Variants in BMPER observed in about 807,000 individuals in gnomAD.
The protein encoded by BMPER is BMP-binding endothelial regulator protein.
Under a neutral mutation model 87.3 loss-of-function variants are expected in BMPER, and 45 were observed. The observed-to-expected ratio is 0.52, with a 90% CI of 0.41 to 0.66. The LOEUF (loss-of-function observed/expected upper bound fraction) is 0.66. BMPER is among the 30% of genes least tolerant of loss of function. BMPER has a pLI of 0.00. For synonymous variants in BMPER, 326 were observed against 316.2 expected, an observed-to-expected ratio of 1.03 and a Z score of -0.33; for missense variants, 784 against 867.5, an observed-to-expected ratio of 0.90 and a Z score of 1.21.
chr7:33,959,094 A>G (rs1785211958), intron 3 of BMPER, among the ~76,000 whole-genome samples: 1 of 152,182 alleles, frequency 6.6e-6, no homozygotes, highest in African/African-American at 2.4e-5. Flanking sequence ...AGCCCTGTGG[A>G]ACTGTGAGTC....
chr7:34,122,557 C>T (rs1790289555), intron 13 of BMPER, among the ~76,000 whole-genome samples: 1 of 152,170 alleles, frequency 6.6e-6, no homozygotes, highest in Non-Finnish European at 1.5e-5. Context: ...TGCACACAGA[C>T]ACCAGTCCTG....
At chr7:33,918,203 C>G (rs1346584612) in intron 2 of BMPER, among the ~76,000 whole-genome samples, 1 of 152,166 alleles carries the variant, frequency 6.6e-6, no homozygotes, top group Non-Finnish European at 1.5e-5. Flanking sequence ...TGAGGTTCCT[C>G]TTTGAGGCAT....
At chr7:34,122,375 T>C (rs1345310876) in intron 13 of BMPER, among the ~76,000 whole-genome samples, 1 of 152,174 alleles carries the variant, frequency 6.6e-6, no homozygotes, top group East Asian at 1.9e-4. Context: ...ATTCAAATCA[T>C]CTGAGATCTT....
chr7:34,020,806 G>C (rs990129737), intron 6 of BMPER, among the ~76,000 whole-genome samples: 3 of 151,658 alleles, frequency 2.0e-5, no homozygotes, highest in Admixed American at 6.6e-5. Flanking sequence ...TTATCAGCCT[G>C]CTTTGCAGGC....
intron 3 of BMPER, among the ~76,000 whole-genome samples, chr7:33,945,483 C>T (rs1427936268): frequency 1.3e-5 from 2 of 150,230 alleles, no homozygotes; most frequent in East Asian, 2.0e-4. Flanking sequence ...AACTCCTGAT[C>T]TCAAGTGATC....
chr7:34,102,911 G>T (rs546760230), intron 13 of BMPER, among the ~76,000 whole-genome samples: 5 of 152,150 alleles, frequency 3.3e-5, no homozygotes, highest in African/African-American at 1.2e-4. Flanking sequence ...GTTTCGCATG[G>T]TATGGTCAGG....
intron 14 of BMPER, among the ~76,000 whole-genome samples, chr7:34,150,727 T>G (rs1296058478): frequency 2.6e-5 from 4 of 152,110 alleles, no homozygotes; most frequent in African/African-American, 9.7e-5. Flanking sequence ...CACTCACCCA[T>G]GTATCCATCC....
chr7:33,968,750 G>C (rs573396931), intron 4 of BMPER, among the ~76,000 whole-genome samples: 1 of 152,168 alleles, frequency 6.6e-6, no homozygotes, highest in Non-Finnish European at 1.5e-5. Flanking sequence ...CATTTGAATT[G>C]AATTCTACCT....
chr7:33,937,112 GT>G (rs1784620926), intron 2 of BMPER, among the ~76,000 whole-genome samples, 176 bp from the exon 3 acceptor site: 1 of 152,166 alleles, frequency 6.6e-6, no homozygotes, highest in Admixed American at 6.5e-5. Context: ...AAAGTCCTGT[GT>G]TCCTGGATGG....
chr7:33,972,051 C>T (rs564162161), intron 5 of BMPER, among the ~76,000 whole-genome samples: 7 of 152,196 alleles, frequency 4.6e-5, no homozygotes, highest in East Asian at 3.9e-4. Flanking sequence ...TACAGGCACC[C>T]GCCACCATGC....
chr7:34,020,530 G>T (rs1284683893), intron 6 of BMPER, among the ~76,000 whole-genome samples: 2 of 151,972 alleles, frequency 1.3e-5, no homozygotes, highest in Admixed American at 6.6e-5. Context: ...CCACTCCAGA[G>T]ATTTTGATCC....
intron 14 of BMPER, among the ~76,000 whole-genome samples, chr7:34,149,824 G>A (rs1791126342): frequency 1.1e-5 from 1 of 89,098 alleles, no homozygotes; most frequent in African/African-American, 3.4e-5. Context: ...CAAGGGGTGG[G>A]TGAGGAAGAT....
chr7:33,945,356 T>G (rs1784867536), intron 3 of BMPER, among the ~76,000 whole-genome samples: 1 of 151,328 alleles, frequency 6.6e-6, no homozygotes, highest in Non-Finnish European at 1.5e-5. Context: ...ATTCAAGTGA[T>G]TCTCTTGCCT....
rs1466079659 is a variant in BMPER, at chr7:34,153,529, T to A, written c.*256T>A. ...CCTAACCTGTAAGCCATTGAACATG[T>A]TGTATAAATACACCAGGTGTTTTTA... On this transcript the variant is annotated 3_prime_UTR_variant, in exon 15 of 15. Transcript: ENST00000649409. 9.0e-6 allele frequency: 4 copies of A among 442,544 alleles called. No homozygotes were observed. Among genetic ancestry groups the A allele is most frequent in the Non-Finnish European group, 1.6e-5 (4 of 244,182 alleles). The allele number at this position is 442,544 out of a possible 1,614,324, so 27.4% of individuals were successfully genotyped here. A position where few individuals can be genotyped will look rare whatever the true frequency, so the allele number is the denominator to read the frequency against.
intron 3 of BMPER, among the ~76,000 whole-genome samples, chr7:33,953,682 A>G (rs1029030426): frequency 4.6e-5 from 7 of 152,198 alleles, no homozygotes; most frequent in Non-Finnish European, 7.3e-5. Context: ...ATTTTAAAAT[A>G]TACAATTTGA....
chr7:34,085,986 C>G lies in BMPER; in HGVS notation c.1639C>G (p.Gln547Glu). 6.2e-7 allele frequency: 1 copy of G among 1,614,118 alleles called. No homozygotes were observed. Among genetic ancestry groups the G allele is most frequent in the Non-Finnish European group, 8.5e-7 (1 of 1,180,030 alleles). Reference sequence around the variant, plus strand: ...GAGAAAGCCAGTGCCTGAACTGTGTCAAGGGACAGTCAAGGTAAAGCTCCG... The same window carrying G: ...GAGAAAGCCAGTGCCTGAACTGTGTGAAGGGACAGTCAAGGTAAAGCTCCG... ...PQRKPVPELC[Q>E]GTVKVKLRAH... Residue 547 changes from glutamine (Q) to glutamate (E), a missense_variant, in exon 13 of 15, where the codon CAA (glutamine) becomes GAA (glutamate). Gln to Glu is a conservative substitution (Grantham distance 29). Coordinates refer to ENST00000649409, the MANE Select transcript of BMPER (RefSeq NM_001365308.1).
At chr7:33,917,790 T>G (rs1467111761) in intron 2 of BMPER, among the ~76,000 whole-genome samples, 2 of 152,202 alleles carry the variant, frequency 1.3e-5, no homozygotes, top group Non-Finnish European at 2.9e-5. Flanking sequence ...TTTTCATGGC[T>G]GCTAATGCTG....
intron 2 of BMPER, chr7:33,922,062 T>C (rs1784246481): frequency 3.0e-6 from 1 of 331,424 alleles, no homozygotes. Flanking sequence ...TGCTGCCCTG[T>C]TTCTGCCCAC....
At chr7:33,920,623 A>ATTG (rs1784206013) in intron 2 of BMPER, among the ~76,000 whole-genome samples, 7 of 151,766 alleles carry the variant, frequency 4.6e-5, no homozygotes, top group African/African-American at 1.7e-4. Context: ...ATGGGGTTCC[A>ATTG]CCATGTTGGT....
Sources: allele counts gnomAD v4.1 joint callset (sites outside exome capture counted in the v4.1 genomes callset), GRCh38; gene constraint gnomAD v4.1.1; transcripts MANE v1.5; gene names NCBI Gene and HGNC (gene_info 2026-07-23, HGNC 2026-07-21).